Variants in MRS2 observed in about 807,000 individuals in gnomAD.
The protein encoded by MRS2 is magnesium transporter MRS2, also known as magnesium transporter MRS2 homolog, mitochondrial.
Under a neutral mutation model 52.6 loss-of-function variants are expected in MRS2, and 40 were observed. That is an observed-to-expected ratio of 0.76 (90% CI 0.59 to 0.99). The LOEUF is 0.99. Ranked by LOEUF, MRS2 falls within the 50% of genes least tolerant of loss-of-function variation. MRS2 has a pLI of 0.00. For missense variants in MRS2, 472 were observed against 532.7 expected (o/e 0.89, Z 1.12); for synonymous variants, 193 against 195.9 (o/e 0.98, Z 0.13).
At chr6:24,413,918 C>G (rs1380882059) in intron 5 of MRS2, among the ~76,000 whole-genome samples, 1 of 152,208 alleles carries the variant, frequency 6.6e-6, no homozygotes, top group African/African-American at 2.4e-5. Flanking sequence ...TATCAAATAT[C>G]AAACCATACT....
rs761191592 is a variant in MRS2, at chr6:24,415,171, T to C, written c.719+8T>C. 7.0e-6 allele frequency: 11 copies of C among 1,570,556 alleles called. No individual in the cohort carries two copies. Among genetic ancestry groups the C allele is most frequent in the Non-Finnish European group, 8.7e-6 (10 of 1,148,994 alleles). ...ACTACAGAATGGCAAAAGGTAAATA[T>C]GGATGATGTATCACATTGGGAGTTG... On this transcript the variant is annotated splice_region_variant and intron_variant, in intron 6 of 10. Coordinates refer to ENST00000378386, the MANE Select transcript of MRS2 (RefSeq NM_020662.4).
chr6:24,413,865 T>A (rs1394045702), intron 5 of MRS2, among the ~76,000 whole-genome samples: 1 of 152,246 alleles, frequency 6.6e-6, no homozygotes, highest in African/African-American at 2.4e-5. Flanking sequence ...AGTGTTTCAG[T>A]ATTTTAACAA....
chr6:24,418,404 ATG>A, intron 8 of MRS2, 55 bp from the exon 9 acceptor site: 1 of 1,603,904 alleles, frequency 6.2e-7, no homozygotes, highest in African/African-American at 1.3e-5. Flanking sequence ...GATTTGATGA[ATG>A]TGCTGTATAT....
rs755505797 is a variant in MRS2 at position 24,408,427 on chromosome 6, G to A, written c.284G>A (p.Gly95Glu). ...TTTCAGACAAAATTTGACAAACAGGGAAACGTTACTTCTTTTGGTGAGTGA... is the reference window on the plus strand; with the variant it reads ...TTTCAGACAAAATTTGACAAACAGGAAAACGTTACTTCTTTTGGTGAGTGA... ...VFTVTKFDKQ[G>E]NVTSFERKKT... The change falls in exon 3 of 11, where the codon GGA (glycine) becomes GAA (glutamate). Residue 95 changes from glycine to glutamate, a missense_variant. Transcript: ENST00000378386. The A allele has an allele frequency of 1.3e-6, 2 of 1,585,912 alleles. No individual in the cohort carries two copies. Among genetic ancestry groups the A allele is most frequent in the Non-Finnish European group, 8.7e-7 (1 of 1,155,790 alleles).
At chr6:24,418,350 A>ATT in intron 8 of MRS2, 111 bp from the exon 9 acceptor site, 19 of 1,246,114 alleles carry the variant, frequency 1.5e-5, no homozygotes, top group South Asian at 3.5e-5. Flanking sequence ...CTACATTATT[A>ATT]TTATTTTTTT....
intron 1 of MRS2, 115 bp downstream of exon 1, chr6:24,403,351 G>A: frequency 9.5e-7 from 1 of 1,054,128 alleles, no homozygotes; most frequent in South Asian, 1.7e-5. Context: ...GCAGGCCTCG[G>A]CCTCCCGCGT....
rs1761582619 is a variant in MRS2 at position 24,409,503 on chromosome 6, C to T, written c.344C>T (p.Ala115Val). 6.2e-7 allele frequency: 1 copy of T among 1,611,302 alleles called. No individual in the cohort carries two copies. Among genetic ancestry groups the T allele is most frequent in the Non-Finnish European group, 8.5e-7 (1 of 1,178,536 alleles). ...TELYQELGLQ[A>V]RDLRFQHVMS... Reference sequence around the variant, plus strand: ...TTATACCAAGAGTTAGGTCTTCAAGCCAGAGATTTGAGATTTCAGCATGTA... The same window carrying T: ...TTATACCAAGAGTTAGGTCTTCAAGTCAGAGATTTGAGATTTCAGCATGTA... Residue 115 changes from alanine (A) to valine (V), a missense_variant, in exon 4 of 11, where the codon GCC becomes GTC. Coordinates refer to ENST00000378386, the MANE Select transcript of MRS2 (RefSeq NM_020662.4).
At position 24,409,536 on chromosome 6, in the gene MRS2, TCA is replaced by T. The variant is rs1491204723; in HGVS notation, c.380_381del (p.Thr127SerfsTer5). On this transcript the variant is annotated frameshift_variant, in exon 4 of 11. Transcript: ENST00000378386. LOFTEE classifies it high-confidence loss of function. Reference sequence around the variant, plus strand: ...TTGAGATTTCAGCATGTAATGAGTATCACAGTCAGAAACAATAGGATTATCAT... The same window carrying T: ...TTGAGATTTCAGCATGTAATGAGTATCAGTCAGAAACAATAGGATTATCAT... 13 of 1,608,280 alleles carry T rather than the reference TCA, an allele frequency of 8.1e-6. No individual in the cohort carries two copies. Among genetic ancestry groups the T allele is most frequent in the Non-Finnish European group, 1.1e-5 (13 of 1,175,738 alleles).
At chr6:24,414,887 T>C (rs1561810918) in intron 5 of MRS2, 146 bp from the exon 6 acceptor site, 2 of 609,634 alleles carry the variant, frequency 3.3e-6, no homozygotes, top group Non-Finnish European at 5.3e-6. Flanking sequence ...TCATCTGGAA[T>C]AGGCATTCTA....
At chr6:24,418,302 A>G in intron 8 of MRS2, 66 bp downstream of exon 8, 2 of 1,479,204 alleles carry the variant, frequency 1.4e-6, no homozygotes, top group Non-Finnish European at 1.8e-6. Flanking sequence ...TTTTAAGGAA[A>G]TATTTTGTGA....
intron 9 of MRS2, among the ~76,000 whole-genome samples, chr6:24,419,930 T>C (rs1377646080): frequency 1.3e-5 from 2 of 152,234 alleles, no homozygotes; most frequent in Non-Finnish European, 2.9e-5. Flanking sequence ...TCTGGCACAG[T>C]GTGATGCTGG....
chr6:24,414,545 CTTCT>C (rs1408840224), intron 5 of MRS2, among the ~76,000 whole-genome samples: 2 of 150,092 alleles, frequency 1.3e-5, no homozygotes, highest in Admixed American at 1.3e-4. Context: ...CCTATGTCTA[CTTCT>C]TTCTACACAG....
intron 1 of MRS2, among the ~76,000 whole-genome samples, chr6:24,404,846 A>T (rs1250533526): frequency 6.6e-6 from 1 of 152,210 alleles, no homozygotes; most frequent in African/African-American, 2.4e-5. Context: ...ATTTTCTTAA[A>T]TCTCAGAACA....
intron 3 of MRS2, among the ~76,000 whole-genome samples, chr6:24,408,718 C>A (rs935269164): frequency 2.0e-5 from 3 of 152,168 alleles, no homozygotes; most frequent in Non-Finnish European, 1.5e-5. Context: ...TGGTGTAGAA[C>A]TGGAGCCCAG....
chr6:24,418,332 C>T, intron 8 of MRS2, 96 bp downstream of exon 8: 2 of 1,496,402 alleles, frequency 1.3e-6, no homozygotes, highest in Non-Finnish European at 1.8e-6. Context: ...CCATCATTAT[C>T]ATCTATACTA....
At chr6:24,423,153 G>C (rs1183628623) in intron 10 of MRS2, 103 bp downstream of exon 10, 2 of 865,426 alleles carry the variant, frequency 2.3e-6, no homozygotes, top group Non-Finnish European at 3.6e-6. Flanking sequence ...TATGGCCCTT[G>C]CGAGTTGCTT....
chr6:24,405,694 G>A (rs912985200), intron 2 of MRS2, among the ~76,000 whole-genome samples: 9 of 151,528 alleles, frequency 5.9e-5, no homozygotes, highest in Admixed American at 3.3e-4. Flanking sequence ...AAGGCTGTTG[G>A]GGCAAAATGT....
In MRS2 at chr6:24,418,104, T is replaced by C. The variant is rs1471888234; in HGVS notation, c.857T>C (p.Ile286Thr). The change falls in exon 8 of 11, where the codon ATT (isoleucine) becomes ACT (threonine). Residue 286 changes from isoleucine (I) to threonine (T), a missense_variant. Coordinates refer to ENST00000378386, the MANE Select transcript of MRS2 (RefSeq NM_020662.4). ...TGAAGTGAAAAGAGCAGTGCTGGGA[T>C]TGACCATGCAGAAGAGATGGAGTTG... ...PQVFEKSSAGIDHAEEMELLL... is the reference protein window; with the variant it reads ...PQVFEKSSAGTDHAEEMELLL... 41 of 1,612,982 alleles carry C rather than the reference T, an allele frequency of 2.5e-5. No individual in the cohort carries two copies. Among genetic ancestry groups the C allele is most frequent in the Non-Finnish European group, 3.3e-5 (39 of 1,179,698 alleles).
rs57322986 is a variant in MRS2 at position 24,422,272 on chromosome 6, A to G, written c.1108-665A>G. ...AGTGAGCTCTCAATCATTGGAGCCAATGATAACAGCATAGCTATAAATGGG... is the reference window on the plus strand; with the variant it reads ...AGTGAGCTCTCAATCATTGGAGCCAGTGATAACAGCATAGCTATAAATGGG... On this transcript the variant is annotated intron_variant, in intron 9 of 10. Transcript: ENST00000378386. Among the ~76,000 whole-genome samples, 1,392 of 152,344 alleles carry G rather than the reference A, an allele frequency of 9.1e-3. 18 individuals are homozygous for G. Among genetic ancestry groups the G allele is most frequent in the African/African-American group, 0.028 (1,144 of 41,568 alleles).
Sources: gnomAD v4.1 joint callset for allele counts (sites outside exome capture counted in the v4.1 genomes callset) on GRCh38, gnomAD v4.1.1 for gene constraint, MANE v1.5 for transcripts, NCBI Gene and HGNC (gene_info 2026-07-23, HGNC 2026-07-21) for gene names.